The following RFTN1 variants were observed in gnomAD, a reference collection of about 807,000 sequenced individuals.
RFTN1 encodes raftlin.
RFTN1 carries 26 observed loss-of-function variants against 46.5 expected under a neutral mutation model. The ratio of observed to expected loss-of-function variants is 0.56; its 90% confidence interval spans 0.41 to 0.78. The LOEUF is 0.78. Among genes scored for constraint, RFTN1 ranks in the 30% least tolerant of loss-of-function variants. RFTN1 has a pLI of 0.00. For synonymous variants in RFTN1, 261 were observed against 284.2 expected, an observed-to-expected ratio of 0.92 and a Z score of 0.82; for missense variants, 693 against 718.7, an observed-to-expected ratio of 0.96 and a Z score of 0.41.
rs150994761 is a variant in RFTN1, at chr3:16,504,682, C to T, written c.-9+8760G>A. Among the ~76,000 whole-genome samples, 33 of 152,306 alleles carry T rather than the reference C, an allele frequency of 2.2e-4. No homozygotes were observed. The highest frequency in any genetic ancestry group is 3.4e-3 in the Middle Eastern group (1 of 294). On this transcript the variant is annotated intron_variant, in intron 1 of 9. Transcript: ENST00000334133. This position sits in a 1 kb window ranked among gnomAD's most constrained non-coding sequence, Gnocchi z 4.4. ...TATTGTCTCTCCCTTAGCACTCACA[C>T]TCCCTCTCTTGCCCTAACTTGACCT...
At position 16,458,731 on chromosome 3, in the gene RFTN1, C is replaced by T. The variant is rs1246131564; in HGVS notation, c.146-24694G>A. On this transcript the variant is annotated intron_variant, in intron 2 of 9. Transcript: ENST00000334133. This position sits in a 1 kb window ranked among gnomAD's most constrained non-coding sequence, Gnocchi z 5.1. ...GCAAGAAGCCAAATAATTCTCAAAA[C>T]CATAATGCTTTCCATAAACTTCAGT... 6.6e-6 allele frequency among the ~76,000 whole-genome samples: 1 copy of T among 152,204 alleles called. No homozygotes were observed. Among genetic ancestry groups the T allele is most frequent in the Non-Finnish European group, 1.5e-5 (1 of 68,034 alleles).
At chr3:16,330,417 C>T (rs763520229) in intron 7 of RFTN1, among the ~76,000 whole-genome samples, 2 of 152,182 alleles carry the variant, frequency 1.3e-5, no homozygotes, top group Non-Finnish European at 1.5e-5. Flanking sequence ...ACTTTTAAGT[C>T]CATTAGCTAA....
chr3:16,348,673 A>G lies in RFTN1; in HGVS notation c.1146+9259T>C, dbSNP rs894995488. Among the ~76,000 whole-genome samples, 3 of 152,218 alleles carry G rather than the reference A, an allele frequency of 2.0e-5. No homozygotes were observed. Among genetic ancestry groups the G allele is most frequent in the African/African-American group, 4.8e-5 (2 of 41,452 alleles). On this transcript the variant is annotated intron_variant, in intron 7 of 9. Coordinates refer to ENST00000334133, the MANE Select transcript of RFTN1 (RefSeq NM_015150.2). This position sits in a 1 kb window ranked among gnomAD's most constrained non-coding sequence, Gnocchi z 6.3. The stretch of plus-strand genomic sequence containing the variant: ...CCCCTTTGCATCCTTGTTCCTGGGC[A>G]TCAAAAAGTAGTCACTCTCTTTGAG...
intron 1 of RFTN1, among the ~76,000 whole-genome samples, chr3:16,494,540 A>C (rs964828020): frequency 3.3e-5 from 5 of 152,216 alleles, no homozygotes; most frequent in Admixed American, 1.3e-4. Context: ...CTGACTGAAC[A>C]CTAATAGCAG....
intron 2 of RFTN1, chr3:16,482,878 A>ACC: frequency 6.6e-7 from 1 of 1,517,816 alleles, no homozygotes; most frequent in Non-Finnish European, 8.8e-7. Context: ...GGAGCCTCCC[A>ACC]CCGGGGTGAG....
chr3:16,505,053 A>T (rs1421454040), intron 1 of RFTN1, among the ~76,000 whole-genome samples: 9 of 151,986 alleles, frequency 5.9e-5, no homozygotes, highest in Non-Finnish European at 1.2e-4. Context: ...TCTCCAAACC[A>T]ATCTGCCATC....
rs531631385 is a variant in RFTN1, at chr3:16,421,586, G to A, written c.333-12103C>T. Among the ~76,000 whole-genome samples the A allele has an allele frequency of 2.0e-4, 30 of 152,118 alleles. 1 individual carries two copies. In the South Asian group the frequency reaches 5.6e-3, roughly 28 times the overall value. ...AGGATGGTCTCGATCCCTTGACTTC[G>A]TGATCCGCCCGCCTCGGCCTCCCAA... is the stretch of plus-strand genomic sequence containing the variant. On this transcript the variant is annotated intron_variant, in intron 3 of 9. Coordinates refer to ENST00000334133, the MANE Select transcript of RFTN1 (RefSeq NM_015150.2). The surrounding 1 kb of genome is among the most constrained non-coding windows in gnomAD (Gnocchi z 4.6).
At chr3:16,462,571 G>T (rs546658877) in intron 2 of RFTN1, among the ~76,000 whole-genome samples, 8 of 152,354 alleles carry the variant, frequency 5.3e-5, no homozygotes, top group South Asian at 2.1e-4. Context: ...TGAAGACAGA[G>T]CAGAGAGCTG....
At chr3:16,405,896 A>G (rs1409449841) in intron 4 of RFTN1, among the ~76,000 whole-genome samples, 1 of 152,198 alleles carries the variant, frequency 6.6e-6, no homozygotes, top group East Asian at 1.9e-4. Context: ...CAAAATAATG[A>G]CCCAGATAAA....
intron 3 of RFTN1, among the ~76,000 whole-genome samples, chr3:16,432,826 G>A (rs2075419180): frequency 6.6e-6 from 1 of 152,170 alleles, no homozygotes; most frequent in Non-Finnish European, 1.5e-5. Flanking sequence ...GTGTGTTGAC[G>A]TAATGTGTGT....
rs1323938821 is a variant in RFTN1, at chr3:16,341,797, TAAC to T, written c.1147-14924_1147-14922del. Among the ~76,000 whole-genome samples, 1 of 152,180 alleles carries T rather than the reference TAAC, an allele frequency of 6.6e-6. No individual in the cohort carries two copies. The highest frequency in any genetic ancestry group is 2.4e-5 in the African/African-American group (1 of 41,452). On this transcript the variant is annotated intron_variant, in intron 7 of 9. Transcript: ENST00000334133. This position sits in a 1 kb window ranked among gnomAD's most constrained non-coding sequence, Gnocchi z 4.7. ...TACAAATAATGAAGTAAAAGCCTAA[TAAC>T]AGAAACATTTTCAGCATACAGTTAC...
chr3:16,433,719 C>G lies in RFTN1; in HGVS notation c.332+132G>C. The G allele has an allele frequency of 1.1e-6, 1 of 884,624 alleles. No homozygotes were observed. The highest frequency in any genetic ancestry group is 1.8e-6 in the Non-Finnish European group (1 of 550,602). 54.8% of individuals were successfully genotyped at this position (884,624 alleles called of 1,614,324 possible). On this transcript the variant is annotated intron_variant, in intron 3 of 9. Transcript: ENST00000334133. This position sits in a 1 kb window ranked among gnomAD's most constrained non-coding sequence, Gnocchi z 4.4. Reference sequence around the variant, plus strand: ...CTGGTTGTCTAACTGTTTGCCTCACCTGTCTGAGGGCTGAGGCCCTGAGGA... The same window carrying G: ...CTGGTTGTCTAACTGTTTGCCTCACGTGTCTGAGGGCTGAGGCCCTGAGGA...
chr3:16,355,838 A>T (rs2072398181), intron 7 of RFTN1, among the ~76,000 whole-genome samples: 1 of 152,212 alleles, frequency 6.6e-6, no homozygotes, highest in South Asian at 2.1e-4. Context: ...GAACCATTTT[A>T]TAGATGATTT....
chr3:16,469,856 C>T (rs1029967280), intron 2 of RFTN1, among the ~76,000 whole-genome samples: 1 of 152,240 alleles, frequency 6.6e-6, no homozygotes, highest in African/African-American at 2.4e-5. Flanking sequence ...CCCAAGGACC[C>T]TTTCTGTTGA....
rs539238750 is a variant in RFTN1 at position 16,345,474 on chromosome 3, C to A, written c.1146+12458G>T. Reference sequence around the variant, plus strand: ...GGAAAAGATTAGCATTTGAATGGGTCAACTGAGTAGACCAGATGGCCCTCC... The same window carrying A: ...GGAAAAGATTAGCATTTGAATGGGTAAACTGAGTAGACCAGATGGCCCTCC... On this transcript the variant is annotated intron_variant, in intron 7 of 9. Transcript: ENST00000334133. This position sits in a 1 kb window ranked among gnomAD's most constrained non-coding sequence, Gnocchi z 5.2. Among the ~76,000 whole-genome samples the A allele has an allele frequency of 1.9e-3, 285 of 152,204 alleles. 3 individuals carry two copies. The highest frequency in any genetic ancestry group is 6.2e-3 in the African/African-American group (258 of 41,518).
At chr3:16,503,089 C>T (rs2076739899) in intron 1 of RFTN1, among the ~76,000 whole-genome samples, 1 of 152,062 alleles carries the variant, frequency 6.6e-6, no homozygotes, top group Non-Finnish European at 1.5e-5. Context: ...TTGCTTACCC[C>T]CACTCCTCCA....
intron 2 of RFTN1, chr3:16,482,919 C>A (rs1025578139): frequency 5.7e-6 from 7 of 1,231,494 alleles, no homozygotes; most frequent in Non-Finnish European, 8.0e-6. Flanking sequence ...GAAAGTCCCG[C>A]CCCACCCAAC....
chr3:16,323,786 C>G (rs2069358672), intron 8 of RFTN1, among the ~76,000 whole-genome samples: 2 of 152,214 alleles, frequency 1.3e-5, no homozygotes, highest in African/African-American at 4.8e-5. Flanking sequence ...GGGCAGGGGC[C>G]TTTTCCAAAT....
intron 7 of RFTN1, chr3:16,347,748 T>C (rs1369989455): frequency 6.6e-6 from 1 of 152,252 alleles, no homozygotes; most frequent in African/African-American, 2.4e-5. Context: ...ACATTTGCAC[T>C]GTAAGCATTT....
Sources: gnomAD v4.1 joint callset for allele counts (sites outside exome capture counted in the v4.1 genomes callset) on GRCh38, gnomAD v4.1.1 for gene constraint, Gnocchi (gnomAD v3.1) non-coding constraint, MANE v1.5 for transcripts, NCBI Gene and HGNC (gene_info 2026-07-23, HGNC 2026-07-21) for gene names.